Variants in DMBT1 observed in about 807,000 individuals in gnomAD.
DMBT1 encodes deleted in malignant brain tumors 1.
Under a neutral mutation model 252.9 loss-of-function variants are expected in DMBT1, and 198 were observed. The observed-to-expected ratio is 0.78, with a 90% CI of 0.70 to 0.88. The LOEUF (loss-of-function observed/expected upper bound fraction) is 0.88. Ranked by LOEUF, DMBT1 falls within the 40% of genes least tolerant of loss-of-function variation. The pLI is 0.00. For synonymous variants in DMBT1, 990 were observed against 942.7 expected (o/e 1.05, Z -0.92); for missense variants, 2,432 against 2,404.7 (o/e 1.01, Z -0.24).
intron 1 of DMBT1, among the ~76,000 whole-genome samples, chr10:122,561,682 A>G (rs1195626712): frequency 1.4e-5 from 2 of 138,360 alleles, no homozygotes; most frequent in African/African-American, 5.4e-5. Flanking sequence ...CTCTCTCTGT[A>G]TCTTTCTCTT....
intron 47 of DMBT1, 112 bp downstream of exon 47, chr10:122,630,105 C>A (rs1173870194): frequency 1.4e-6 from 2 of 1,470,774 alleles, no homozygotes; most frequent in Admixed American, 1.9e-5. Context: ...CATGGACAAG[C>A]TTTTGGTGGC....
At chr10:122,634,340 T>TTTTCTTTCTTTCTTTC (rs776949913) in intron 52 of DMBT1, among the ~76,000 whole-genome samples, 44 of 99,946 alleles carry the variant, frequency 4.4e-4, no homozygotes, top group Admixed American at 1.3e-3. Context: ...CTAAAAGCAC[T>TTTTCTTTCTTTCTTTC]TTTCTTTCTT....
At chr10:122,600,036 A>T in intron 26 of DMBT1, 28 bp from the exon 27 acceptor site, 1 of 1,607,428 alleles carries the variant, frequency 6.2e-7, no homozygotes, top group Non-Finnish European at 8.5e-7. Context: ...AATGTTCCTG[A>T]TCTGACCTTC....
At chr10:122,633,005 C>G in intron 51 of DMBT1, 115 bp downstream of exon 51, 2 of 1,544,740 alleles carry the variant, frequency 1.3e-6, no homozygotes. Context: ...AGTGGTCTCC[C>G]TGCAAGAGTG....
chr10:122,593,710 A>G lies in DMBT1; in HGVS notation c.2530+112A>G, dbSNP rs1273382525. 4.4e-6 allele frequency: 6 copies of G among 1,349,476 alleles called. 1 individual carries two copies. Among genetic ancestry groups the G allele is most frequent in the Non-Finnish European group, 6.1e-6 (6 of 980,174 alleles). 83.6% of individuals were successfully genotyped at this position (1,349,476 alleles called of 1,614,324 possible). A position where few individuals can be genotyped will look rare whatever the true frequency, so the allele number is the denominator to read the frequency against. On this transcript the variant is annotated intron_variant, in intron 21 of 55. Coordinates refer to ENST00000338354, the MANE Select transcript of DMBT1 (RefSeq NM_001377530.1). ...CTGTGTGGATACTGTGGGGCATATTATTTCCACCCCCAACACCGGCTGTGT... is the reference window on the plus strand; with the variant it reads ...CTGTGTGGATACTGTGGGGCATATTGTTTCCACCCCCAACACCGGCTGTGT...
At chr10:122,577,616 C>T (rs555965999) in intron 7 of DMBT1, among the ~76,000 whole-genome samples, 195 bp from the exon 8 acceptor site, 66 of 152,244 alleles carry the variant, frequency 4.3e-4, no homozygotes, top group African/African-American at 1.3e-3. Context: ...GAGCCACAGG[C>T]ACAGAGAAGG....
In DMBT1 at chr10:122,599,025, T is replaced by C. The variant is rs762450011; in HGVS notation, c.3208T>C (p.Trp1070Arg). 4 of 1,613,814 alleles carry C rather than the reference T, an allele frequency of 2.5e-6. 1 individual carries two copies. The South Asian group carries it at 3.3e-5, about 13-fold the overall frequency. Residue 1070 changes from tryptophan to arginine, a missense_variant, in exon 26 of 56, where the codon TGG becomes CGG. Transcript: ENST00000338354. ...VRCSGHESYLWSCPHNGWLSH... is the reference protein window; with the variant it reads ...VRCSGHESYLRSCPHNGWLSH... ...CTGCTCAGGACACGAGTCTTACCTG[T>C]GGAGCTGCCCCCACAATGGCTGGCT...
At chr10:122,621,643 T>C (rs1056337560) in intron 44 of DMBT1, among the ~76,000 whole-genome samples, 25 of 151,688 alleles carry the variant, frequency 1.6e-4, no homozygotes, top group African/African-American at 5.6e-4. Context: ...GAAGAAAAAA[T>C]TTCTGGCTCC....
Position 122,592,429 on chromosome 10 carries a change from G to T in DMBT1, c.2334G>T (p.Trp778Cys). ...NVVCRQLGCG[W>C]ATSAPGNARF... ...TCTGCAGGCAGCTGGGCTGTGGCTG[G>T]GCCACGTCGGCCCCAGGAAATGCCC... Residue 778 changes from tryptophan to cysteine, a missense_variant, in exon 20 of 56, where the codon TGG (tryptophan) becomes TGT (cysteine). Around this residue, in one of 3 missense-constraint regions of DMBT1, gnomAD observed 1,264 missense variants for 1,082.2 expected, o/e 1.17. Coordinates refer to ENST00000338354, the MANE Select transcript of DMBT1 (RefSeq NM_001377530.1). 5.7e-6 allele frequency: 9 copies of T among 1,588,276 alleles called. No homozygotes were observed. The highest frequency in any genetic ancestry group is 1.2e-5 in the South Asian group (1 of 86,916).
intron 9 of DMBT1, 119 bp downstream of exon 9, chr10:122,578,878 G>A (rs961459592): frequency 1.4e-5 from 14 of 1,025,146 alleles, no homozygotes; most frequent in Admixed American, 8.2e-5. Flanking sequence ...AAGCGTGGGA[G>A]GGTGGCAGCA....
In DMBT1 at chr10:122,600,422, T is replaced by C. The variant is rs74160005; in HGVS notation, c.3310+329T>C. 3.8e-3 allele frequency among the ~76,000 whole-genome samples: 583 copies of C among 152,308 alleles called. 3 individuals carry two copies. Among genetic ancestry groups the C allele is most frequent in the Middle Eastern group, 0.014 (4 of 294 alleles). ...ATATTCCGGACTCACATATAGTTTC[T>C]GAAAATTGTGAGTGTCACCCTCTGA... On this transcript the variant is annotated intron_variant, in intron 27 of 55. Coordinates refer to ENST00000338354, the MANE Select transcript of DMBT1 (RefSeq NM_001377530.1).
At chr10:122,627,077 A>T (rs2098123991) in intron 46 of DMBT1, among the ~76,000 whole-genome samples, 1 of 152,188 alleles carries the variant, frequency 6.6e-6, no homozygotes, top group African/African-American at 2.4e-5. Flanking sequence ...AAAGGTAGGG[A>T]GGCTGCAGAA....
In DMBT1 at chr10:122,597,975, C is replaced by T. The variant is rs778837628; in HGVS notation, c.2919C>T (p.Asp973=). 19 of 1,613,812 alleles carry T rather than the reference C, an allele frequency of 1.2e-5. No homozygotes were observed. The highest frequency in any genetic ancestry group is 3.3e-5 in the Admixed American group (2 of 59,998). The change falls in exon 25 of 56, where the codon GAC becomes GAT. Residue 973 remains aspartate (D), a splice_region_variant and synonymous_variant. Transcript: ENST00000338354. Reference sequence around the variant, plus strand: ...CCTTTGTCTCTGTTGCAATTACAGACACATTGCCGACCATCACCTTGCCTG... The same window carrying T: ...CCTTTGTCTCTGTTGCAATTACAGATACATTGCCGACCATCACCTTGCCTG... ...AAHSWSTPSP[D]TLPTITLPAS...
intron 6 of DMBT1, among the ~76,000 whole-genome samples, chr10:122,575,523 T>G (rs547942813): frequency 1.6e-4 from 25 of 151,688 alleles, no homozygotes; most frequent in Admixed American, 4.6e-4. Flanking sequence ...TGGTTTTTTT[T>G]GGGGGGGTGT....
intron 48 of DMBT1, among the ~76,000 whole-genome samples, chr10:122,630,757 T>A (rs1303672341): frequency 6.6e-6 from 1 of 152,016 alleles, no homozygotes; most frequent in South Asian, 2.1e-4. Flanking sequence ...CGTCTGGAGG[T>A]GAGGGGATCT....
At chr10:122,600,674 G>C (rs142976071) in intron 27 of DMBT1, among the ~76,000 whole-genome samples, 10 of 152,302 alleles carry the variant, frequency 6.6e-5, no homozygotes, top group Non-Finnish European at 1.3e-4. Flanking sequence ...GCCAGTGTCC[G>C]AGCCTCAGCA....
In DMBT1 at chr10:122,592,585, C is replaced by A; in HGVS notation, c.2490C>A (p.Val830=). ...GTGGCCATCATGAAGATGCTGGTGT[C>A]ATCTGCTCAGGTGGGCCTCCAAGAC... ...HNCGHHEDAG[V]ICSVSQSRPT... is the part of the protein sequence containing the mutation. The change falls in exon 20 of 56, where the codon GTC becomes GTA. Residue 830 remains valine, a synonymous_variant. Coordinates refer to ENST00000338354, the MANE Select transcript of DMBT1 (RefSeq NM_001377530.1). 1 of 1,588,564 alleles carries A rather than the reference C, an allele frequency of 6.3e-7. No individual in the cohort carries two copies. Among genetic ancestry groups the A allele is most frequent in the South Asian group, 1.2e-5 (1 of 86,942 alleles).
At chr10:122,573,618 T>G in intron 5 of DMBT1, 97 bp from the exon 6 acceptor site, 2 of 1,455,006 alleles carry the variant, frequency 1.4e-6, no homozygotes, top group Non-Finnish European at 1.9e-6. Context: ...TTAGGACCTG[T>G]GCTTCCAGCC....
In DMBT1 at chr10:122,639,741, A is replaced by G. The variant is rs1472693126; in HGVS notation, c.6943-299A>G. Reference sequence around the variant, plus strand: ...TGACAACTGTTGGCACTGAAATATAAAGCAAAAACAAATTTTTAAGACAGT... The same window carrying G: ...TGACAACTGTTGGCACTGAAATATAGAGCAAAAACAAATTTTTAAGACAGT... On this transcript the variant is annotated intron_variant, in intron 54 of 55. Coordinates refer to ENST00000338354, the MANE Select transcript of DMBT1 (RefSeq NM_001377530.1). 2.0e-5 allele frequency among the ~76,000 whole-genome samples: 3 copies of G among 152,202 alleles called. No homozygotes were observed. The East Asian group carries it at 5.8e-4, about 29-fold the overall frequency.
Sources: allele counts gnomAD v4.1 joint callset (sites outside exome capture counted in the v4.1 genomes callset), GRCh38; gene constraint gnomAD v4.1.1; regional missense constraint gnomAD v4.1.1; transcripts MANE v1.5; gene names NCBI Gene and HGNC (gene_info 2026-07-23, HGNC 2026-07-21).